The following OPCML variants were observed in gnomAD, a reference collection of about 807,000 sequenced individuals.
The protein encoded by OPCML is opioid-binding protein/cell adhesion molecule.
In OPCML, 13 loss-of-function variants were observed where a neutral mutation model predicts 37.8. The observed-to-expected ratio is 0.34, with a 90% CI of 0.22 to 0.55. OPCML has a LOEUF of 0.55. Among genes scored for constraint, OPCML ranks in the 20% least tolerant of loss-of-function variants. The probability of loss-of-function intolerance (pLI) is 0.91; values close to 1 mark genes in which losing one functional copy is unlikely to be tolerated. For missense variants in OPCML, 341 were observed against 435.6 expected, an observed-to-expected ratio of 0.78 and a Z score of 1.93; for synonymous variants, 176 against 168.8, an observed-to-expected ratio of 1.04 and a Z score of -0.33.
intron 1 of OPCML, among the ~76,000 whole-genome samples, chr11:132,996,102 A>G (rs2136831522): frequency 6.7e-6 from 1 of 149,978 alleles, no homozygotes; most frequent in East Asian, 2.0e-4. Context: ...TTCAATAGCA[A>G]TTCCCTTTGA....
intron 1 of OPCML, among the ~76,000 whole-genome samples, chr11:133,140,913 AG>A (rs1193948890): frequency 6.2e-5 from 1 of 16,090 alleles, no homozygotes; most frequent in African/African-American, 1.4e-4. Flanking sequence ...ACGACGAAGA[AG>A]AAGAAGACGA....
chr11:133,016,353 C>T (rs919167181), intron 1 of OPCML, among the ~76,000 whole-genome samples: 1 of 152,122 alleles, frequency 6.6e-6, no homozygotes, highest in African/African-American at 2.4e-5. Flanking sequence ...GGACTGAAGT[C>T]CTTGATTCCT....
intron 2 of OPCML, among the ~76,000 whole-genome samples, chr11:132,863,718 C>T (rs1236664763): frequency 6.6e-6 from 1 of 152,114 alleles, no homozygotes; most frequent in East Asian, 1.9e-4. Flanking sequence ...GACTGAAGGC[C>T]ATAAGACGCC....
At chr11:133,507,952 A>C (rs964725611) in intron 1 of OPCML, among the ~76,000 whole-genome samples, 2 of 152,116 alleles carry the variant, frequency 1.3e-5, no homozygotes, top group African/African-American at 4.8e-5. Flanking sequence ...GTCTCAAAAA[A>C]AAAAAAAAAA....
At chr11:133,336,967 T>A (rs1943757320) in intron 1 of OPCML, among the ~76,000 whole-genome samples, 1 of 152,166 alleles carries the variant, frequency 6.6e-6, no homozygotes. Flanking sequence ...AGCATCCAAT[T>A]TTGAAGGCTG....
intron 1 of OPCML, among the ~76,000 whole-genome samples, chr11:133,228,980 C>T (rs1170812200): frequency 1.3e-5 from 2 of 152,152 alleles, no homozygotes; most frequent in African/African-American, 4.8e-5. Flanking sequence ...CCGCGTAATT[C>T]TCGGTAAGTT....
intron 2 of OPCML, among the ~76,000 whole-genome samples, chr11:132,671,335 C>T (rs1268641240): frequency 1.3e-5 from 2 of 152,052 alleles, no homozygotes; most frequent in Non-Finnish European, 2.9e-5. Context: ...AAATAGAAGG[C>T]AGGCAAAACT....
At chr11:133,007,743 A>C in intron 1 of OPCML, 1 of 985,480 alleles carries the variant, frequency 1.0e-6, no homozygotes, top group Non-Finnish European at 1.2e-6. Context: ...AGGCCCACAC[A>C]GAGTGGTGAA....
chr11:132,801,948 C>T (rs1298868306), intron 2 of OPCML, among the ~76,000 whole-genome samples: 1 of 152,124 alleles, frequency 6.6e-6, no homozygotes, highest in Admixed American at 6.6e-5. Flanking sequence ...ACTAATATTT[C>T]CCAAATGCTG....
At chr11:132,576,432 G>A (rs2096451055) in intron 3 of OPCML, among the ~76,000 whole-genome samples, 1 of 150,740 alleles carries the variant, frequency 6.6e-6, no homozygotes, top group African/African-American at 2.4e-5. Context: ...CTCCTCTAGT[G>A]AATTTTTCAA....
intron 1 of OPCML, among the ~76,000 whole-genome samples, chr11:133,103,682 T>C (rs1463154906): frequency 6.6e-6 from 1 of 152,240 alleles, no homozygotes; most frequent in Non-Finnish European, 1.5e-5. Context: ...TTTCATTTTG[T>C]CCCAATCAAT....
chr11:133,036,304 T>C (rs1248799391), intron 1 of OPCML, among the ~76,000 whole-genome samples: 2 of 152,214 alleles, frequency 1.3e-5, no homozygotes, highest in Non-Finnish European at 2.9e-5. Context: ...AAAATAAATA[T>C]GGAATAAATT....
chr11:133,082,816 C>T lies in OPCML; in HGVS notation c.62-139806G>A, dbSNP rs1318542977. ...GGGCCTCCTCGCGGCCCGGGCGGGG[C>T]CCACCAACCCGGAGAGGTCGCCAGC... On this transcript the variant is annotated intron_variant, in intron 1 of 7. Transcript: ENST00000524381. Among the ~76,000 whole-genome samples the T allele has an allele frequency of 2.7e-5, 4 of 148,880 alleles. No individual in the cohort carries two copies. The East Asian group carries it at 8.3e-4, about 31-fold the overall frequency.
At chr11:133,509,503 C>T (rs2120608531) in intron 1 of OPCML, among the ~76,000 whole-genome samples, 1 of 152,312 alleles carries the variant, frequency 6.6e-6, no homozygotes, top group African/African-American at 2.4e-5. Flanking sequence ...CATGTCTTTG[C>T]TAGTAAGCTC....
intron 1 of OPCML, among the ~76,000 whole-genome samples, chr11:133,158,712 A>AAAAAATAAAAT (rs1555105905): frequency 7.5e-6 from 1 of 134,204 alleles, no homozygotes; most frequent in Non-Finnish European, 1.5e-5. Flanking sequence ...ATAAAATTAA[A>AAAAAATAAAAT]AAAATAAAAT....
At chr11:132,960,431 G>A (rs2136719640) in intron 1 of OPCML, among the ~76,000 whole-genome samples, 1 of 152,340 alleles carries the variant, frequency 6.6e-6, no homozygotes, top group East Asian at 1.9e-4. Flanking sequence ...GTTGGGGCGA[G>A]GCCAGGAGCG....
intron 1 of OPCML, among the ~76,000 whole-genome samples, chr11:133,099,166 A>C (rs1591999834): frequency 6.6e-6 from 1 of 152,218 alleles, no homozygotes; most frequent in Non-Finnish European, 1.5e-5. Flanking sequence ...AAAACTACAA[A>C]GATATCAAAG....
At chr11:132,499,669 C>T (rs1270744035) in intron 4 of OPCML, among the ~76,000 whole-genome samples, 1 of 152,192 alleles carries the variant, frequency 6.6e-6, no homozygotes, top group African/African-American at 2.4e-5. Context: ...AATTGATTTC[C>T]TCTCTATGCC....
chr11:133,380,595 A>AT (rs1158206938), intron 1 of OPCML, among the ~76,000 whole-genome samples: 1 of 151,992 alleles, frequency 6.6e-6, no homozygotes, highest in East Asian at 1.9e-4. Flanking sequence ...CATCAGTACA[A>AT]TTTTTTAATT....
Sources: gnomAD v4.1 joint callset for allele counts (sites outside exome capture counted in the v4.1 genomes callset) on GRCh38, gnomAD v4.1.1 for gene constraint, MANE v1.5 for transcripts, NCBI Gene and HGNC (gene_info 2026-07-23, HGNC 2026-07-21) for gene names.